Variants in PALM2AKAP2 observed in about 807,000 individuals in gnomAD.
PALM2AKAP2 encodes PALM2 and AKAP2 fusion.
In PALM2AKAP2, 37 loss-of-function variants were observed where a neutral mutation model predicts 71.5. The observed-to-expected ratio is 0.52, with a 90% confidence interval of 0.40 to 0.68. The LOEUF (loss-of-function observed/expected upper bound fraction) is 0.68, where lower values mean the gene tolerates loss of function less well. Among genes scored for constraint, PALM2AKAP2 ranks in the 30% least tolerant of loss-of-function variants. The pLI is 0.00. For missense variants in PALM2AKAP2, 1,224 were observed against 1,191.8 expected (o/e 1.03, Z -0.40); for synonymous variants, 468 against 478.8 (o/e 0.98, Z 0.29).
intron 1 of PALM2AKAP2, among the ~76,000 whole-genome samples, chr9:109,718,664 C>G (rs1426003720): frequency 1.3e-5 from 2 of 152,030 alleles, no homozygotes; most frequent in Admixed American, 1.3e-4. Context: ...CCTAGTTTCC[C>G]CATTGTTAAC....
chr9:109,788,923 T>A (rs542162037), intron 1 of PALM2AKAP2, among the ~76,000 whole-genome samples: 54 of 152,114 alleles, frequency 3.5e-4, no homozygotes, highest in Non-Finnish European at 7.2e-4. Context: ...TGGGCAAGAG[T>A]GACACCCTGT....
intron 1 of PALM2AKAP2, among the ~76,000 whole-genome samples, chr9:110,067,086 T>C (rs1294852367): frequency 6.6e-6 from 1 of 152,116 alleles, no homozygotes; most frequent in Non-Finnish European, 1.5e-5. Flanking sequence ...GAATGACTAT[T>C]AGTCATTCTA....
intron 6 of PALM2AKAP2, among the ~76,000 whole-genome samples, chr9:109,983,427 T>C (rs1408860062): frequency 6.6e-6 from 1 of 152,148 alleles, no homozygotes; most frequent in East Asian, 1.9e-4. Flanking sequence ...TTTTTCCTTC[T>C]CACCCCACTC....
At chr9:109,937,674 A>G (rs1241413864) in intron 6 of PALM2AKAP2, among the ~76,000 whole-genome samples, 1 of 152,252 alleles carries the variant, frequency 6.6e-6, no homozygotes, top group African/African-American at 2.4e-5. Flanking sequence ...TAATTTAATA[A>G]AAACATACTT....
intron 1 of PALM2AKAP2, among the ~76,000 whole-genome samples, chr9:109,766,896 G>A (rs775920468): frequency 3.9e-5 from 6 of 152,112 alleles, no homozygotes; most frequent in Non-Finnish European, 8.8e-5. Context: ...AGCTGACGTT[G>A]GAACCCAGAG....
chr9:109,757,024 A>C lies in PALM2AKAP2; in HGVS notation c.6-23464A>C, dbSNP rs529084826. 3.3e-5 allele frequency among the ~76,000 whole-genome samples: 5 copies of C among 152,162 alleles called. No individual in the cohort carries two copies. In the East Asian group the frequency reaches 7.7e-4, roughly 23 times the overall value. On this transcript the variant is annotated intron_variant, in intron 1 of 6. Coordinates refer to the PALM2AKAP2 transcript ENST00000374531. ...TGAAATATACAATACATTGCTGTTA[A>C]CCATAAGTGACCTATTCTGCTATTG...
At chr9:109,791,798 G>A (rs577035979) in intron 1 of PALM2AKAP2, among the ~76,000 whole-genome samples, 1 of 152,266 alleles carries the variant, frequency 6.6e-6, no homozygotes, top group South Asian at 2.1e-4. Flanking sequence ...TTGAGCCCAG[G>A]GTCTCCTGCT....
At chr9:109,734,168 G>A (rs1276142015) in intron 1 of PALM2AKAP2, among the ~76,000 whole-genome samples, 2 of 151,986 alleles carry the variant, frequency 1.3e-5, no homozygotes, top group Admixed American at 1.3e-4. Flanking sequence ...TCCCACTACT[G>A]GATTATCTCC....
intron 6 of PALM2AKAP2, among the ~76,000 whole-genome samples, chr9:109,985,162 C>T (rs1169880602): frequency 1.1e-4 from 16 of 152,080 alleles, no homozygotes; most frequent in African/African-American, 3.9e-4. Flanking sequence ...GGTGACAGAG[C>T]AAGACTCCGT....
At chr9:109,714,863 C>A (rs1828292681) in intron 1 of PALM2AKAP2, among the ~76,000 whole-genome samples, 1 of 152,198 alleles carries the variant, frequency 6.6e-6, no homozygotes, top group Non-Finnish European at 1.5e-5. Flanking sequence ...AGCCATGAAG[C>A]AAGATACTTC....
chr9:110,053,526 T>C (rs1340379603), intron 1 of PALM2AKAP2, among the ~76,000 whole-genome samples: 19 of 14,338 alleles, frequency 1.3e-3, no homozygotes, highest in Non-Finnish European at 6.5e-4. Flanking sequence ...GAACTCTGTC[T>C]CAAAAAAAAA....
chr9:109,839,595 T>A (rs1447088824), intron 1 of PALM2AKAP2, among the ~76,000 whole-genome samples: 1 of 152,202 alleles, frequency 6.6e-6, no homozygotes, highest in African/African-American at 2.4e-5. Context: ...GAAGTCAAAT[T>A]GTCCCTGTTT....
chr9:109,814,077 G>C (rs1827792114), intron 1 of PALM2AKAP2, among the ~76,000 whole-genome samples: 1 of 152,172 alleles, frequency 6.6e-6, no homozygotes, highest in African/African-American at 2.4e-5. Flanking sequence ...GAGCTGACTT[G>C]ACTCATTCTC....
At chr9:109,770,497 T>C (rs1193424281) in intron 1 of PALM2AKAP2, among the ~76,000 whole-genome samples, 2 of 152,270 alleles carry the variant, frequency 1.3e-5, no homozygotes, top group East Asian at 3.8e-4. Context: ...GAACACTTTA[T>C]ACTTTTGTCT....
At position 109,770,107 on chromosome 9, in the gene PALM2AKAP2, A is replaced by G. The variant is rs1159566883; in HGVS notation, c.6-10381A>G. On this transcript the variant is annotated intron_variant, in intron 1 of 6. Coordinates refer to the PALM2AKAP2 transcript ENST00000374531. ...GCAGCTCTCAGAGCTCAGACAGCCA[A>G]TGGTTGGCTAGGTCAGAGGAGCTCT... 5.3e-5 allele frequency among the ~76,000 whole-genome samples: 8 copies of G among 152,176 alleles called. No homozygotes were observed. In the East Asian group the frequency reaches 1.5e-3, roughly 29 times the overall value.
intron 2 of PALM2AKAP2, among the ~76,000 whole-genome samples, chr9:109,876,583 A>C (rs184860621): frequency 1.3e-5 from 2 of 152,114 alleles, no homozygotes; most frequent in Admixed American, 1.3e-4. Context: ...GGGTTCAAGC[A>C]ATTCTCCTGC....
chr9:109,981,686 G>A (rs561396610), intron 6 of PALM2AKAP2, among the ~76,000 whole-genome samples: 5 of 152,214 alleles, frequency 3.3e-5, no homozygotes, highest in African/African-American at 9.6e-5. Flanking sequence ...GACTCAAATG[G>A]CAAACAGGTA....
At chr9:110,086,126 A>C (rs1042376838) in intron 1 of PALM2AKAP2, among the ~76,000 whole-genome samples, 4 of 151,776 alleles carry the variant, frequency 2.6e-5, no homozygotes, top group African/African-American at 9.7e-5. Flanking sequence ...AAAAAAAAGA[A>C]ATAACTACAA....
chr9:109,915,689 C>T lies in PALM2AKAP2; in HGVS notation c.258-8046C>T, dbSNP rs1830670888. Among the ~76,000 whole-genome samples, 3 of 152,216 alleles carry T rather than the reference C, an allele frequency of 2.0e-5. No homozygotes were observed. In the South Asian group the frequency reaches 6.2e-4, roughly 32 times the overall value. On this transcript the variant is annotated intron_variant, in intron 3 of 9. Transcript: ENST00000302798. The stretch of plus-strand genomic sequence containing the variant: ...AAAACACTCATAACAGTTCCAAGCA[C>T]ACAGTAAGCACTCAATAATCCTAAT...
Sources: gnomAD v4.1 joint callset for allele counts (sites outside exome capture counted in the v4.1 genomes callset) on GRCh38, gnomAD v4.1.1 for gene constraint, MANE v1.5 for transcripts, NCBI Gene and HGNC (gene_info 2026-07-23, HGNC 2026-07-21) for gene names.